Variants in PCSK5 observed in about 807,000 individuals in gnomAD.
PCSK5 encodes proprotein convertase subtilisin/kexin type 5.
In PCSK5, 129 loss-of-function variants were observed where a neutral mutation model predicts 233.2. The observed-to-expected ratio is 0.55, with a 90% CI of 0.48 to 0.64. The LOEUF is 0.64. Ranked by LOEUF, PCSK5 falls within the 30% of genes least tolerant of loss-of-function variation. The pLI is 0.00. For missense variants in PCSK5, 2,076 were observed against 2,430.1 expected, an observed-to-expected ratio of 0.85 and a Z score of 3.06; for synonymous variants, 825 against 879.2, an observed-to-expected ratio of 0.94 and a Z score of 1.09.
intron 5 of PCSK5, among the ~76,000 whole-genome samples, chr9:76,039,392 A>G (rs1027120697): frequency 1.2e-4 from 19 of 152,176 alleles, no homozygotes; most frequent in Non-Finnish European, 8.8e-5. Flanking sequence ...GATGGTACCC[A>G]TATCTTAAAT....
Position 76,359,178 on chromosome 9 carries a change from ATG to A in PCSK5, c.*260_*261del, listed in dbSNP as rs1458266988. On this transcript the variant is annotated 3_prime_UTR_variant, in exon 38 of 38. Coordinates refer to ENST00000674117, the MANE Select transcript of PCSK5 (RefSeq NM_001372043.1). ...ATTCAGAGGCATTTTCCTCAAAATA[ATG>A]TGTTAAGACACAAAAATGAAGGAAG... is the stretch of plus-strand genomic sequence containing the variant. 6 of 481,166 alleles carry A rather than the reference ATG, an allele frequency of 1.2e-5. No individual in the cohort carries two copies. In the South Asian group the frequency reaches 1.7e-4, roughly 14 times the overall value. The allele number at this position is 481,166 out of a possible 1,614,324, so 29.8% of individuals were successfully genotyped here.
intron 35 of PCSK5, among the ~76,000 whole-genome samples, chr9:76,340,372 G>A (rs927895641): frequency 4.6e-5 from 7 of 152,144 alleles, no homozygotes; most frequent in Middle Eastern, 3.4e-3. Context: ...ATAGCCAGGC[G>A]CGGTGGCTCA....
At chr9:76,264,573 A>C (rs1220413625) in intron 24 of PCSK5, among the ~76,000 whole-genome samples, 1 of 152,190 alleles carries the variant, frequency 6.6e-6, no homozygotes, top group Non-Finnish European at 1.5e-5. Flanking sequence ...TCAACAAGCA[A>C]AATAAAAAAC....
intron 30 of PCSK5, among the ~76,000 whole-genome samples, chr9:76,316,218 A>C (rs894318871): frequency 6.6e-6 from 1 of 152,020 alleles, no homozygotes; most frequent in Non-Finnish European, 1.5e-5. Context: ...TCCCACCTTA[A>C]GTTTACAAGA....
At chr9:76,289,396 C>A (rs1477926756) in intron 24 of PCSK5, among the ~76,000 whole-genome samples, 3 of 151,494 alleles carry the variant, frequency 2.0e-5, no homozygotes, top group African/African-American at 7.3e-5. Flanking sequence ...ATTTAAACAT[C>A]CTTCTTTGGA....
chr9:76,147,862 C>T (rs956861141), intron 10 of PCSK5, among the ~76,000 whole-genome samples: 2 of 152,260 alleles, frequency 1.3e-5, no homozygotes, highest in East Asian at 3.9e-4. Context: ...CCAGCCACAT[C>T]TGTTCTTTTT....
chr9:75,927,167 A>C (rs536172553), intron 1 of PCSK5, among the ~76,000 whole-genome samples: 70 of 152,328 alleles, frequency 4.6e-4, no homozygotes, highest in African/African-American at 1.6e-3. Context: ...GTGTGTGTGC[A>C]GTGCTATTAT....
chr9:76,078,107 A>G (rs774661898), intron 7 of PCSK5, among the ~76,000 whole-genome samples: 6 of 152,064 alleles, frequency 3.9e-5, no homozygotes, highest in Non-Finnish European at 8.8e-5. Flanking sequence ...GCGTCTGTTC[A>G]TGTCTTTTGC....
chr9:76,055,112 A>G (rs948108118), intron 5 of PCSK5, among the ~76,000 whole-genome samples: 5 of 152,176 alleles, frequency 3.3e-5, no homozygotes, highest in Non-Finnish European at 7.4e-5. Flanking sequence ...AGGATTCAGA[A>G]TCTCTATTGC....
At chr9:76,084,007 C>T (rs1587605006) in intron 7 of PCSK5, among the ~76,000 whole-genome samples, 2 of 152,052 alleles carry the variant, frequency 1.3e-5, no homozygotes, top group South Asian at 4.1e-4. Flanking sequence ...TATAGCTAGG[C>T]GGAAAGAAAA....
At chr9:76,286,488 A>T (rs1333761162) in intron 24 of PCSK5, 1 of 154,108 alleles carries the variant, frequency 6.5e-6, no homozygotes, top group Non-Finnish European at 1.5e-5. Flanking sequence ...GGGGTGTGAT[A>T]ATGTGCTAGG....
intron 20 of PCSK5, among the ~76,000 whole-genome samples, chr9:76,204,594 G>A (rs1825040314): frequency 6.6e-6 from 1 of 151,804 alleles, no homozygotes; most frequent in Middle Eastern, 3.2e-3. Context: ...CTAGAGTGCT[G>A]GAATCACAGG....
intron 24 of PCSK5, among the ~76,000 whole-genome samples, chr9:76,271,093 C>T (rs1827498009): frequency 1.3e-5 from 2 of 152,080 alleles, no homozygotes; most frequent in African/African-American, 4.8e-5. Flanking sequence ...CTGCTCAAGC[C>T]AAAACTCCAG....
chr9:76,001,137 T>C (rs1827242806), intron 3 of PCSK5, among the ~76,000 whole-genome samples: 1 of 152,222 alleles, frequency 6.6e-6, no homozygotes, highest in Non-Finnish European at 1.5e-5. Flanking sequence ...TTGAAAATTC[T>C]GTTCTCAGTG....
chr9:76,087,963 A>C (rs1831131783), intron 7 of PCSK5, among the ~76,000 whole-genome samples: 1 of 152,212 alleles, frequency 6.6e-6, no homozygotes, highest in Non-Finnish European at 1.5e-5. Flanking sequence ...TTTTCTCACC[A>C]GAGAAGTAGA....
intron 12 of PCSK5, among the ~76,000 whole-genome samples, 154 bp from the exon 13 acceptor site, chr9:76,169,549 AT>A (rs1823238488): frequency 6.6e-6 from 1 of 152,064 alleles, no homozygotes; most frequent in African/African-American, 2.4e-5. Flanking sequence ...ATGTATATAT[AT>A]ATATCTGCAA....
chr9:76,184,842 A>C, intron 17 of PCSK5, 85 bp downstream of exon 17: 1 of 783,012 alleles, frequency 1.3e-6, no homozygotes, highest in Non-Finnish European at 2.1e-6. Flanking sequence ...AAACAAGTAA[A>C]TAAACAGCTC....
At chr9:75,906,260 C>T (rs901315831) in intron 1 of PCSK5, among the ~76,000 whole-genome samples, 1 of 152,262 alleles carries the variant, frequency 6.6e-6, no homozygotes, top group Admixed American at 6.5e-5. Context: ...GAGTCTCCCA[C>T]TGTCGCCTAG....
intron 7 of PCSK5, among the ~76,000 whole-genome samples, chr9:76,091,307 C>T (rs948402916): frequency 6.9e-6 from 1 of 145,274 alleles, no homozygotes; most frequent in Non-Finnish European, 1.6e-5. Flanking sequence ...TCTGTGCCTA[C>T]AATCTGAGAG....
Sources: gnomAD v4.1 joint callset for allele counts (sites outside exome capture counted in the v4.1 genomes callset) on GRCh38, gnomAD v4.1.1 for gene constraint, MANE v1.5 for transcripts, NCBI Gene and HGNC (gene_info 2026-07-23, HGNC 2026-07-21) for gene names.